Variants in CASD1 observed in about 807,000 individuals in gnomAD.
CASD1 encodes N-acetylneuraminate (7)9-O-acetyltransferase.
Under a neutral mutation model 100.0 loss-of-function variants are expected in CASD1, and 41 were observed. The observed-to-expected ratio is 0.41, with a 90% CI of 0.32 to 0.53. The LOEUF (loss-of-function observed/expected upper bound fraction) is 0.53. Among genes scored for constraint, CASD1 ranks in the 20% least tolerant of loss-of-function variants. The pLI, the probability that CASD1 is intolerant of heterozygous loss-of-function variation, is 0.25. For missense variants in CASD1, 774 were observed against 948.7 expected (o/e 0.82, Z 2.42); for synonymous variants, 321 against 315.6 (o/e 1.02, Z -0.18).
At chr7:94,623,122 A>G in the CASD1 span, among the ~76,000 whole-genome samples, 1 of 152,150 alleles carries the variant, frequency 6.6e-6, no homozygotes, top group Admixed American at 6.6e-5. Context: ...TTGGCTTCCT[A>G]TCTGAGTTTT....
chr7:94,593,045 T>C, the CASD1 span, among the ~76,000 whole-genome samples: 3 of 152,154 alleles, frequency 2.0e-5, no homozygotes, highest in Non-Finnish European at 4.4e-5. Context: ...TCAACTGATA[T>C]TAACTTTTAT....
At chr7:94,623,825 T>TC in the CASD1 span, 1 of 365,734 alleles carries the variant, frequency 2.7e-6, no homozygotes. Context: ...ATCTTTGTGT[T>TC]TTTTTGCATT....
chr7:94,629,659 T>C, the CASD1 span: 36 of 1,509,618 alleles, frequency 2.4e-5, no homozygotes, highest in East Asian at 5.0e-4. Flanking sequence ...GTCTATATTA[T>C]GCAAATTAAA....
the CASD1 span, among the ~76,000 whole-genome samples, chr7:94,573,437 T>G: frequency 6.6e-6 from 1 of 152,184 alleles, no homozygotes; most frequent in Non-Finnish European, 1.5e-5. Context: ...TGTAGAGATC[T>G]TTCACCTCCC....
chr7:94,588,299 T>C, the CASD1 span: 10 of 1,070,834 alleles, frequency 9.3e-6, no homozygotes, highest in East Asian at 6.7e-4. Flanking sequence ...TTAGTCACAA[T>C]GGTTTCCTTT....
chr7:94,551,553 A>G lies in CASD1; in HGVS notation c.1956+75A>G, dbSNP rs189056924. The G allele has an allele frequency of 6.8e-6, 4 of 588,704 alleles. No individual in the cohort carries two copies. In the African/African-American group the frequency reaches 7.8e-5, roughly 11 times the overall value. The allele number at this position is 588,704 out of a possible 1,614,324, so 36.5% of individuals were successfully genotyped here. ...TTAAGATATGGAAATATAATCAATTATTTTTAATAATAAATCTTTTTTTCT... is the reference window on the plus strand; with the variant it reads ...TTAAGATATGGAAATATAATCAATTGTTTTTAATAATAAATCTTTTTTTCT... On this transcript the variant is annotated intron_variant, in intron 15 of 17. Coordinates refer to ENST00000297273, the MANE Select transcript of CASD1 (RefSeq NM_022900.5).
the CASD1 span, among the ~76,000 whole-genome samples, chr7:94,569,888 A>C: frequency 6.7e-6 from 1 of 148,552 alleles, no homozygotes; most frequent in Non-Finnish European, 1.5e-5. Context: ...ATCTCGGCTC[A>C]CTGCAAGCTC....
the CASD1 span, chr7:94,599,788 T>G: frequency 9.0e-7 from 1 of 1,114,036 alleles, no homozygotes; most frequent in South Asian, 1.2e-5. Flanking sequence ...TAAGACTATA[T>G]GCTCATGGGA....
the CASD1 span, among the ~76,000 whole-genome samples, chr7:94,563,862 T>C: frequency 6.6e-6 from 1 of 152,152 alleles, no homozygotes; most frequent in African/African-American, 2.4e-5. Flanking sequence ...GGACATGTCT[T>C]GTCATAGCCC....
intron 1 of CASD1, among the ~76,000 whole-genome samples, chr7:94,513,509 T>A (rs1473540878): frequency 6.6e-6 from 1 of 152,180 alleles, no homozygotes. Flanking sequence ...GTTATTTGAT[T>A]TTCTCTGCCT....
At chr7:94,564,014 T>C in the CASD1 span, among the ~76,000 whole-genome samples, 4 of 152,184 alleles carry the variant, frequency 2.6e-5, no homozygotes, top group Non-Finnish European at 5.9e-5. Context: ...GTCCTCAACA[T>C]AATCAACATA....
At position 94,537,606 on chromosome 7, in the gene CASD1, A is replaced by T; in HGVS notation, c.978A>T (p.Gly326=). The change falls in exon 9 of 18, where the codon GGA becomes GGT. Residue 326 remains glycine (G), a synonymous_variant. Transcript: ENST00000297273. Reference sequence around the variant, plus strand: ...GTTTTTTCACTTTATCTATTATCGGATATTTAATTTTTTACATAATTCATC... The same window carrying T: ...GTTTTTTCACTTTATCTATTATCGGTTATTTAATTTTTTACATAATTCATC... The part of the protein sequence containing the change: ...AACFFTLSII[G]YLIFYIIHRN... 1.9e-6 allele frequency: 3 copies of T among 1,613,808 alleles called. No homozygotes were observed. Among genetic ancestry groups the T allele is most frequent in the Non-Finnish European group, 2.5e-6 (3 of 1,179,860 alleles).
chr7:94,611,869 A>G, the CASD1 span, among the ~76,000 whole-genome samples: 211 of 152,324 alleles, frequency 1.4e-3, no homozygotes, highest in Middle Eastern at 6.8e-3. Flanking sequence ...TAAAAAACCT[A>G]TTGTACCTTT....
At chr7:94,628,298 A>T in the CASD1 span, 6 of 1,611,910 alleles carry the variant, frequency 3.7e-6, no homozygotes, top group Non-Finnish European at 5.1e-6. Context: ...GAAGCCATCC[A>T]GGTCGGTCTG....
chr7:94,575,082 C>G, the CASD1 span, among the ~76,000 whole-genome samples: 9 of 152,240 alleles, frequency 5.9e-5, no homozygotes, highest in South Asian at 2.1e-4. Context: ...TTCTTGTCTT[C>G]TGCTAGCTTT....
At chr7:94,549,656 T>G (rs1795850606) in intron 14 of CASD1, 22 bp downstream of exon 14, 1 of 1,530,920 alleles carries the variant, frequency 6.5e-7, no homozygotes, top group Admixed American at 1.9e-5. Flanking sequence ...CTTTGTGATA[T>G]TTTGTCATTT....
At chr7:94,524,477 C>T (rs979965988) in intron 3 of CASD1, among the ~76,000 whole-genome samples, 1 of 151,940 alleles carries the variant, frequency 6.6e-6, no homozygotes, top group African/African-American at 2.4e-5. Flanking sequence ...CTGACAATGG[C>T]AAGAAATATG....
At chr7:94,600,894 C>T in the CASD1 span, 3 of 1,488,074 alleles carry the variant, frequency 2.0e-6, no homozygotes, top group South Asian at 2.3e-5. Context: ...ACAAATTAAT[C>T]GTTGCAAACA....
the CASD1 span, among the ~76,000 whole-genome samples, chr7:94,614,934 G>GT: frequency 6.6e-6 from 1 of 152,004 alleles, no homozygotes; most frequent in Non-Finnish European, 1.5e-5. Context: ...GACTTCATTT[G>GT]TTTTTTTGTT....
Sources: allele counts gnomAD v4.1 joint callset (sites outside exome capture counted in the v4.1 genomes callset), GRCh38; gene constraint gnomAD v4.1.1; transcripts MANE v1.5; gene names NCBI Gene and HGNC (gene_info 2026-07-23, HGNC 2026-07-21).